The following RPS6KA6 variants were observed in gnomAD, a reference collection of about 807,000 sequenced individuals.
The protein encoded by RPS6KA6 is ribosomal protein S6 kinase A6, also known as ribosomal protein S6 kinase alpha-6.
In RPS6KA6, 27 loss-of-function variants were observed where a neutral mutation model predicts 65.4. That is an observed-to-expected ratio of 0.41 (90% confidence interval 0.30 to 0.57). RPS6KA6 has a LOEUF of 0.57. RPS6KA6 is among the 20% of genes least tolerant of loss of function. The pLI, the probability that RPS6KA6 is intolerant of heterozygous loss-of-function variation, is 0.24. For missense variants in RPS6KA6, 486 were observed against 555.6 expected (o/e 0.87, Z 1.26); for synonymous variants, 190 against 184.2 (o/e 1.03, Z -0.26).
intron 20 of RPS6KA6, among the ~76,000 whole-genome samples, chrX:84,069,684 C>T (rs1452569327): frequency 8.9e-6 from 1 of 111,892 alleles, no homozygotes; most frequent in Non-Finnish European, 1.9e-5. Context: ...GGTCTAATAT[C>T]CACAATCTAC....
chrX:84,123,783 A>G (rs1007830392), intron 8 of RPS6KA6, among the ~76,000 whole-genome samples: 2 of 112,092 alleles, frequency 1.8e-5, no homozygotes, highest in African/African-American at 6.5e-5. Flanking sequence ...GAAAGGAAGG[A>G]CACAAACCTG....
At chrX:84,117,245 T>C (rs769073673) in intron 10 of RPS6KA6, 97 bp from the exon 11 acceptor site, 78 of 687,917 alleles carry the variant, frequency 1.1e-4, no homozygotes, top group Non-Finnish European at 1.6e-4. Context: ...TTTACAAGGG[T>C]ACAGTCCTGT....
At chrX:84,151,123 T>C (rs1217840176) in intron 3 of RPS6KA6, among the ~76,000 whole-genome samples, 1 of 98,777 alleles carries the variant, frequency 1.0e-5, no homozygotes, top group Admixed American at 1.2e-4. Context: ...ATATATAGGA[T>C]ATATATAGAT....
chrX:84,090,157 T>A (rs1202512735), intron 20 of RPS6KA6, among the ~76,000 whole-genome samples: 1 of 112,420 alleles, frequency 8.9e-6, no homozygotes, highest in African/African-American at 3.2e-5. Flanking sequence ...GTTTAATTGG[T>A]CAAATGTGTA....
intron 12 of RPS6KA6, among the ~76,000 whole-genome samples, chrX:84,113,449 C>A (rs1569392240): frequency 1.8e-5 from 2 of 111,590 alleles, no homozygotes; most frequent in Non-Finnish European, 3.8e-5. Context: ...ACAGCACATG[C>A]AAAAAATAGT....
intron 20 of RPS6KA6, among the ~76,000 whole-genome samples, chrX:84,092,537 G>A (rs1173924467): frequency 1.8e-5 from 2 of 109,424 alleles, no homozygotes; most frequent in Non-Finnish European, 3.8e-5. Flanking sequence ...TGGGAGAATC[G>A]CTTGAACCTG....
chrX:84,117,948 C>T (rs1204993020), intron 9 of RPS6KA6, among the ~76,000 whole-genome samples: 1 of 110,823 alleles, frequency 9.0e-6, no homozygotes, highest in African/African-American at 3.3e-5. Context: ...ACCACCACCA[C>T]CCCCTGCCAC....
In RPS6KA6 at chrX:84,064,189, C is replaced by A; in HGVS notation, c.*88G>T. The A allele has an allele frequency of 1.0e-6, 1 of 993,254 alleles. No individual in the cohort carries two copies. Among genetic ancestry groups the A allele is most frequent in the Non-Finnish European group, 1.4e-6 (1 of 736,618 alleles). The allele number at this position is 993,254 out of a possible 1,213,427, so 81.9% of individuals were successfully genotyped here. ...ATTACTTAATATTCAAGTAATTTAG[C>A]AGACAACGATGCCTTTGATAAGAAT... On this transcript the variant is annotated 3_prime_UTR_variant, in exon 22 of 22. Transcript: ENST00000262752.
chrX:84,165,072 C>A (rs1479466657), intron 1 of RPS6KA6, among the ~76,000 whole-genome samples: 1 of 110,784 alleles, frequency 9.0e-6, no homozygotes, highest in Non-Finnish European at 1.9e-5. Context: ...CATTTGTTTC[C>A]ATCTTATCTA....
At chrX:84,164,272 ATTCT>A in intron 2 of RPS6KA6, 52 bp downstream of exon 2, 2 of 904,820 alleles carry the variant, frequency 2.2e-6, no homozygotes, top group Non-Finnish European at 3.2e-6. Flanking sequence ...CTTTCCCTGT[ATTCT>A]TTTTCCTTAT....
At chrX:84,155,529 A>C (rs1024953438) in intron 3 of RPS6KA6, among the ~76,000 whole-genome samples, 28 of 112,049 alleles carry the variant, frequency 2.5e-4, no homozygotes, top group East Asian at 2.8e-4. Context: ...AGTTATTCTT[A>C]CTCAATTTTG....
intron 3 of RPS6KA6, among the ~76,000 whole-genome samples, chrX:84,154,167 T>TA (rs1234480464): frequency 9.0e-6 from 1 of 111,258 alleles, no homozygotes; most frequent in Non-Finnish European, 1.9e-5. Flanking sequence ...CTAGAAAACT[T>TA]AAGTCTAATT....
At chrX:84,098,567 T>A (rs142941231) in intron 18 of RPS6KA6, among the ~76,000 whole-genome samples, 2,564 of 111,142 alleles carry the variant, frequency 0.023, 33 homozygotes, top group Non-Finnish European at 0.035. Flanking sequence ...TGAGGCCATT[T>A]TCTTTCCATT....
intron 3 of RPS6KA6, among the ~76,000 whole-genome samples, chrX:84,151,547 A>C (rs2035326160): frequency 9.1e-6 from 1 of 109,432 alleles, no homozygotes; most frequent in Non-Finnish European, 1.9e-5. Context: ...AGGTAACCAT[A>C]GTTTATTGTC....
intron 6 of RPS6KA6, among the ~76,000 whole-genome samples, chrX:84,143,123 G>C (rs983936160): frequency 1.8e-5 from 2 of 110,798 alleles, no homozygotes; most frequent in Non-Finnish European, 3.8e-5. Flanking sequence ...AATACATCAA[G>C]ACTAAGTGGG....
At chrX:84,087,532 T>G (rs2033951228) in intron 20 of RPS6KA6, among the ~76,000 whole-genome samples, 1 of 111,879 alleles carries the variant, frequency 8.9e-6, no homozygotes, top group African/African-American at 3.3e-5. Flanking sequence ...CAGCTGTTAG[T>G]CTAATGAGTT....
chrX:84,067,157 C>T (rs1481576828), intron 20 of RPS6KA6, among the ~76,000 whole-genome samples: 1 of 112,076 alleles, frequency 8.9e-6, no homozygotes, highest in African/African-American at 3.2e-5. Context: ...GATAAATCCA[C>T]AAAAATGAGG....
intron 20 of RPS6KA6, among the ~76,000 whole-genome samples, chrX:84,067,842 GA>G (rs1022680649): frequency 9.0e-6 from 1 of 111,468 alleles, no homozygotes; most frequent in African/African-American, 3.3e-5. Context: ...TGAAACAAAG[GA>G]AAAAATGTTA....
chrX:84,128,000 G>A (rs2034827071), intron 8 of RPS6KA6, among the ~76,000 whole-genome samples: 1 of 111,212 alleles, frequency 9.0e-6, no homozygotes, highest in Non-Finnish European at 1.9e-5. Context: ...AAGAAAAAGG[G>A]CATCCAAGTG....
Sources: gnomAD v4.1 joint callset for allele counts (sites outside exome capture counted in the v4.1 genomes callset) on GRCh38, gnomAD v4.1.1 for gene constraint, MANE v1.5 for transcripts, NCBI Gene and HGNC (gene_info 2026-07-23, HGNC 2026-07-21) for gene names.